RAP1GAP2: variants seen among roughly 807,000 people sequenced by gnomAD.
RAP1GAP2 encodes RAP1 GTPase activating protein 2.
Under a neutral mutation model 95.0 loss-of-function variants are expected in RAP1GAP2, and 27 were observed. The ratio of observed to expected loss-of-function variants is 0.28; its 90% CI spans 0.21 to 0.39. The LOEUF is 0.39. RAP1GAP2 is among the 10% of genes least tolerant of loss of function. The pLI, the probability that RAP1GAP2 is intolerant of heterozygous loss-of-function variation, is 1.00. For synonymous variants in RAP1GAP2, 373 were observed against 380.9 expected (o/e 0.98, Z 0.24); for missense variants, 771 against 970.0 (o/e 0.79, Z 2.72).
intron 2 of RAP1GAP2, among the ~76,000 whole-genome samples, chr17:2,834,787 A>G (rs887403539): frequency 2.0e-5 from 3 of 151,670 alleles, no homozygotes; most frequent in Non-Finnish European, 4.4e-5. Context: ...ACAGAGTGAG[A>G]CCCTGTCTCA....
intron 3 of RAP1GAP2, among the ~76,000 whole-genome samples, chr17:2,944,174 A>C (rs544146750): frequency 1.6e-4 from 24 of 151,850 alleles, no homozygotes; most frequent in African/African-American, 5.5e-4. Context: ...AAAAAAAAAA[A>C]AAAAAAAAAC....
intron 1 of RAP1GAP2, among the ~76,000 whole-genome samples, chr17:2,785,877 T>C (rs1597303332): frequency 6.7e-6 from 1 of 148,208 alleles, no homozygotes; most frequent in African/African-American, 2.5e-5. Flanking sequence ...ATGGTAAAGA[T>C]GAAAGGAAGT....
intron 17 of RAP1GAP2, among the ~76,000 whole-genome samples, chr17:3,017,226 C>CT: frequency 6.6e-6 from 1 of 152,246 alleles, no homozygotes; most frequent in East Asian, 1.9e-4. Context: ...CTCACATGTA[C>CT]TTTGACAAAG....
At chr17:2,933,860 C>T (rs940218796) in intron 3 of RAP1GAP2, among the ~76,000 whole-genome samples, 1 of 152,268 alleles carries the variant, frequency 6.6e-6, no homozygotes, top group Admixed American at 6.5e-5. Context: ...GGACCAGGAG[C>T]TCGGCCAGCT....
At position 2,825,523 on chromosome 17, in the gene RAP1GAP2, C is replaced by T. The variant is rs369422909; in HGVS notation, c.80+24973C>T. 1.3e-5 allele frequency among the ~76,000 whole-genome samples: 2 copies of T among 152,036 alleles called. No individual in the cohort carries two copies. The highest frequency in any genetic ancestry group is 2.4e-5 in the African/African-American group (1 of 41,392). ...AGCCAGCCGCCTCTGTTTTAGGAGC[C>T]GGGGATCCCTTTGTTGAATCCTGGC... On this transcript the variant is annotated intron_variant, in intron 2 of 24. Coordinates refer to ENST00000254695, the MANE Select transcript of RAP1GAP2 (RefSeq NM_015085.5). This position sits in a 1 kb window ranked among gnomAD's most constrained non-coding sequence, Gnocchi z 4.1.
chr17:2,827,939 T>C lies in RAP1GAP2; in HGVS notation c.80+27389T>C, dbSNP rs2070650319. On this transcript the variant is annotated intron_variant, in intron 2 of 24. Transcript: ENST00000254695. This position sits in a 1 kb window ranked among gnomAD's most constrained non-coding sequence, Gnocchi z 4.1. ...GGCTCTCAGGCTGGAGGCCAGCTACTGCTCCGGCCAGCCCTTCCCTGTGGG... is the reference window on the plus strand; with the variant it reads ...GGCTCTCAGGCTGGAGGCCAGCTACCGCTCCGGCCAGCCCTTCCCTGTGGG... 1.3e-5 allele frequency among the ~76,000 whole-genome samples: 2 copies of C among 152,196 alleles called. No individual in the cohort carries two copies. Among genetic ancestry groups the C allele is most frequent in the African/African-American group, 4.8e-5 (2 of 41,460 alleles).
chr17:2,988,023 AG>A (rs1315137968), intron 11 of RAP1GAP2, among the ~76,000 whole-genome samples: 1 of 152,176 alleles, frequency 6.6e-6, no homozygotes, highest in African/African-American at 2.4e-5. Context: ...TACTGTTTGC[AG>A]AGCTTGCTAC....
intron 1 of RAP1GAP2, among the ~76,000 whole-genome samples, chr17:2,778,668 C>G (rs1241163034): frequency 1.3e-5 from 2 of 152,114 alleles, no homozygotes; most frequent in African/African-American, 4.8e-5. Context: ...TGCTGTCACT[C>G]AGACCTGGGC....
intron 2 of RAP1GAP2, among the ~76,000 whole-genome samples, chr17:2,841,287 A>G (rs1268778175): frequency 6.7e-6 from 1 of 149,874 alleles, no homozygotes; most frequent in African/African-American, 2.5e-5. Context: ...GAGAAAAGTT[A>G]CAAGAGATAT....
At chr17:3,032,483 G>C (rs1231896947) in intron 24 of RAP1GAP2, 34 bp downstream of exon 24, 31 of 1,591,476 alleles carry the variant, frequency 1.9e-5, no homozygotes, top group African/African-American at 4.0e-5. Flanking sequence ...GTGGCCGTGA[G>C]GGGGGACGTG....
In RAP1GAP2 at chr17:2,857,770, C is replaced by G. The variant is rs2072205677; in HGVS notation, c.81-47514C>G. On this transcript the variant is annotated intron_variant, in intron 2 of 24. Transcript: ENST00000254695. The surrounding 1 kb of genome is among the most constrained non-coding windows in gnomAD (Gnocchi z 4.0). ...CTGAGGGGGAAAACAGGCAGCTTTG[C>G]TGGGAAGGACGGAGGCCGAGGAACA... is the stretch of plus-strand genomic sequence containing the variant. Among the ~76,000 whole-genome samples the G allele has an allele frequency of 6.6e-6, 1 of 152,184 alleles. No homozygotes were observed. The highest frequency in any genetic ancestry group is 1.5e-5 in the Non-Finnish European group (1 of 68,040).
chr17:2,952,231 C>G (rs893794580), intron 3 of RAP1GAP2, among the ~76,000 whole-genome samples: 1 of 152,104 alleles, frequency 6.6e-6, no homozygotes, highest in Non-Finnish European at 1.5e-5. Context: ...TCATCTTGTT[C>G]AAAACTCTAT....
At chr17:2,935,511 C>G (rs1202313502) in intron 3 of RAP1GAP2, among the ~76,000 whole-genome samples, 1 of 152,084 alleles carries the variant, frequency 6.6e-6, no homozygotes, top group African/African-American at 2.4e-5. Flanking sequence ...CTGTCACACA[C>G]ACACACACAC....
Position 2,858,735 on chromosome 17 carries a change from A to G in RAP1GAP2, c.81-46549A>G, listed in dbSNP as rs985615953. Among the ~76,000 whole-genome samples the G allele has an allele frequency of 2.6e-5, 4 of 152,060 alleles. No individual in the cohort carries two copies. The East Asian group carries it at 7.7e-4, about 29-fold the overall frequency. On this transcript the variant is annotated intron_variant, in intron 2 of 24. Coordinates refer to ENST00000254695, the MANE Select transcript of RAP1GAP2 (RefSeq NM_015085.5). Reference sequence around the variant, plus strand: ...AGACCAGCCTGGGCAATATAGTGAGACTCATCTCTACAAAAAAAATAAAAA... The same window carrying G: ...AGACCAGCCTGGGCAATATAGTGAGGCTCATCTCTACAAAAAAAATAAAAA...
At chr17:2,772,108 G>C (rs930277372), upstream of RAP1GAP2, among the ~76,000 whole-genome samples, 9 of 151,970 alleles carry the variant, frequency 5.9e-5, no homozygotes, top group African/African-American at 2.2e-4. Context: ...TCCTCCCTCA[G>C]CCTCTTGAGT....
rs555955055 is a variant in RAP1GAP2 at position 3,032,095 on chromosome 17, C to G, written c.2185-316C>G. On this transcript the variant is annotated intron_variant, in intron 23 of 24. Transcript: ENST00000254695. Reference sequence around the variant, plus strand: ...TGAGCTCTTCAGACTATCGAGAGCTCCAGGTCCAGATGTGAGGTGGGAAGG... The same window carrying G: ...TGAGCTCTTCAGACTATCGAGAGCTGCAGGTCCAGATGTGAGGTGGGAAGG... Among the ~76,000 whole-genome samples, 9 of 144,698 alleles carry G rather than the reference C, an allele frequency of 6.2e-5. No homozygotes were observed. In the South Asian group the frequency reaches 2.1e-3, roughly 34 times the overall value. 94.9% of individuals were successfully genotyped at this position (144,698 alleles called of 152,430 possible).
rs543354892 is a variant in RAP1GAP2, at chr17:2,917,300, C to T, written c.165+11932C>T. Among the ~76,000 whole-genome samples the T allele has an allele frequency of 4.6e-5, 7 of 152,030 alleles. No individual in the cohort carries two copies. In the South Asian group the frequency reaches 1.5e-3, roughly 32 times the overall value. On this transcript the variant is annotated intron_variant, in intron 3 of 24. Coordinates refer to ENST00000254695, the MANE Select transcript of RAP1GAP2 (RefSeq NM_015085.5). ...TTTTTTCTTTTTTGAGACAGAGTTG[C>T]GCTCTTGTTGCCCAGGCTGGAGGGC...
rs192324911 is a variant in RAP1GAP2 at position 2,946,672 on chromosome 17, T to C, written c.166-11087T>C. Among the ~76,000 whole-genome samples the C allele has an allele frequency of 3.1e-3, 465 of 152,308 alleles. 2 individuals are homozygous for C. Among genetic ancestry groups the C allele is most frequent in the Non-Finnish European group, 5.8e-3 (392 of 68,022 alleles). ...GCAGCATTCAACATGATGAACCCCA[T>C]AGGTCAGTGGTTCTCACTTGGGAAC... is the stretch of plus-strand genomic sequence containing the variant. On this transcript the variant is annotated intron_variant, in intron 3 of 24. Transcript: ENST00000254695.
At chr17:2,872,850 A>G (rs1252837616) in intron 2 of RAP1GAP2, among the ~76,000 whole-genome samples, 1 of 151,750 alleles carries the variant, frequency 6.6e-6, no homozygotes, top group Non-Finnish European at 1.5e-5. Context: ...TTTTGTAGAG[A>G]CTGGATCCCA....
Sources: gnomAD v4.1 joint callset for allele counts (sites outside exome capture counted in the v4.1 genomes callset) on GRCh38, gnomAD v4.1.1 for gene constraint, Gnocchi (gnomAD v3.1) non-coding constraint, MANE v1.5 for transcripts, NCBI Gene and HGNC (gene_info 2026-07-23, HGNC 2026-07-21) for gene names.